BARD1: variants seen among roughly 807,000 people sequenced by gnomAD.
BARD1 encodes the protein BRCA1-associated RING domain protein 1.
Under a neutral mutation model 77.0 loss-of-function variants are expected in BARD1, and 73 were observed. That is an observed-to-expected ratio of 0.95 (90% confidence interval 0.79 to 1.15). The LOEUF is 1.15. BARD1 is among the 50% of genes most tolerant of loss of function. The probability of loss-of-function intolerance (pLI) is 0.00; values close to 1 mark genes in which losing one functional copy is unlikely to be tolerated. For missense variants in BARD1, 993 were observed against 938.8 expected, an observed-to-expected ratio of 1.06 and a Z score of -0.75; for synonymous variants, 384 against 338.0, an observed-to-expected ratio of 1.14 and a Z score of -1.49.
At position 214,781,160 on chromosome 2, in the gene BARD1, C is replaced by G. The variant is rs1559425247; in HGVS notation, c.714G>C (p.Lys238Asn). The G allele has an allele frequency of 6.3e-7, 1 of 1,578,030 alleles. No homozygotes were observed. The highest frequency in any genetic ancestry group is 8.6e-7 in the Non-Finnish European group (1 of 1,168,048). The change falls in exon 4 of 11, where the codon AAG becomes AAC. Residue 238 changes from lysine (K) to asparagine (N), a missense_variant. Lys to Asn is a moderately conservative substitution (Grantham distance 94). Transcript: ENST00000260947. ...EFDSKEESKQ[K>N]LVSFCSQPSV... ...ATGGTTGGCTACAGAAGGATACCAG[C>G]TTTTGCTTAGATTCCTCTTTGGAGT...
At chr2:214,770,097 A>G (rs897298214) in intron 4 of BARD1, among the ~76,000 whole-genome samples, 2 of 152,188 alleles carry the variant, frequency 1.3e-5, no homozygotes, top group Non-Finnish European at 2.9e-5. Context: ...TTTAGTTTAT[A>G]TTCACCTTAT....
chr2:214,728,663 T>G lies in BARD1; in HGVS notation c.*13A>C, dbSNP rs773111818. 6 of 1,613,450 alleles carry G rather than the reference T, an allele frequency of 3.7e-6. No homozygotes were observed. In the African/African-American group the frequency reaches 5.3e-5, roughly 14 times the overall value. ...GTGCAAATTCAATTTGAAATGTTCA[T>G]CTGGTATAATATTCAGCTGTCAAGA... On this transcript the variant is annotated 3_prime_UTR_variant, in exon 11 of 11. Coordinates refer to ENST00000260947, the MANE Select transcript of BARD1 (RefSeq NM_000465.4).
intron 3 of BARD1, among the ~76,000 whole-genome samples, chr2:214,783,178 T>C (rs1695117156): frequency 6.6e-6 from 1 of 152,138 alleles, no homozygotes; most frequent in African/African-American, 2.4e-5. Context: ...ATTCCATGAA[T>C]ACTGTATTTT....
chr2:214,797,113 T>C lies in BARD1; in HGVS notation c.163A>G (p.Asn55Asp), dbSNP rs1039799564. 6.2e-7 allele frequency: 1 copy of C among 1,612,504 alleles called. No individual in the cohort carries two copies. Among genetic ancestry groups the C allele is most frequent in the South Asian group, 1.1e-5 (1 of 91,062 alleles). ...EKLLRCSRCT[N>D]ILREPVCLGG... is the part of the protein sequence containing the mutation. ...AAACACACAGGCTCTCTCAGAATGT[T>C]AGTACTGTTTGAAGAAATTAAAACA... Residue 55 changes from asparagine (N) to aspartate (D), a missense_variant, in exon 2 of 11, where the codon AAC (asparagine) becomes GAC (aspartate). By Grantham distance (23) the Asn-to-Asp change is conservative. Coordinates refer to ENST00000260947, the MANE Select transcript of BARD1 (RefSeq NM_000465.4).
chr2:214,779,705 C>A (rs1170438928), intron 4 of BARD1, among the ~76,000 whole-genome samples: 1 of 152,152 alleles, frequency 6.6e-6, no homozygotes, highest in Non-Finnish European at 1.5e-5. Flanking sequence ...TCCCAGGTGT[C>A]CCAAAGTTCT....
At chr2:214,732,887 T>G (rs1484746488) in intron 9 of BARD1, among the ~76,000 whole-genome samples, 1 of 152,200 alleles carries the variant, frequency 6.6e-6, no homozygotes, top group African/African-American at 2.4e-5. Context: ...GAGCCACATC[T>G]GCAGAATTTG....
At chr2:214,777,743 T>C (rs1262776073) in intron 4 of BARD1, among the ~76,000 whole-genome samples, 1 of 152,238 alleles carries the variant, frequency 6.6e-6, no homozygotes, top group African/African-American at 2.4e-5. Context: ...CCTTGTTCCA[T>C]TTTATAGTAG....
intron 3 of BARD1, among the ~76,000 whole-genome samples, chr2:214,786,937 G>T (rs1296231044): frequency 6.6e-6 from 1 of 151,840 alleles, no homozygotes; most frequent in Non-Finnish European, 1.5e-5. Flanking sequence ...TCAAAACCAA[G>T]TCACTTCTGA....
At position 214,728,667 on chromosome 2, in the gene BARD1, G is replaced by A. The variant is rs771342162; in HGVS notation, c.*9C>T. 7 of 1,613,404 alleles carry A rather than the reference G, an allele frequency of 4.3e-6. No homozygotes were observed. The highest frequency in any genetic ancestry group is 5.9e-6 in the Non-Finnish European group (7 of 1,179,568). ...AAATTCAATTTGAAATGTTCATCTG[G>A]TATAATATTCAGCTGTCAAGAGGAA... On this transcript the variant is annotated 3_prime_UTR_variant, in exon 11 of 11. Coordinates refer to ENST00000260947, the MANE Select transcript of BARD1 (RefSeq NM_000465.4).
At chr2:214,775,977 T>C (rs1425028676) in intron 4 of BARD1, among the ~76,000 whole-genome samples, 1 of 152,130 alleles carries the variant, frequency 6.6e-6, no homozygotes, top group South Asian at 2.1e-4. Context: ...AACTACAAAG[T>C]TAAACTCTAA....
chr2:214,773,988 CACA>C (rs1694630257), intron 4 of BARD1, among the ~76,000 whole-genome samples: 1 of 152,200 alleles, frequency 6.6e-6, no homozygotes, highest in Non-Finnish European at 1.5e-5. Context: ...CAACAGTGTT[CACA>C]ACATCTTCAC....
chr2:214,754,205 G>C (rs1357870427), intron 6 of BARD1, among the ~76,000 whole-genome samples: 1 of 151,456 alleles, frequency 6.6e-6, no homozygotes, highest in African/African-American at 2.4e-5. Flanking sequence ...AAACCACCAA[G>C]TGCAAAAATG....
intron 2 of BARD1, among the ~76,000 whole-genome samples, chr2:214,795,939 T>A (rs1208094024): frequency 1.3e-5 from 2 of 152,140 alleles, no homozygotes; most frequent in African/African-American, 4.8e-5. Context: ...ATCCCTCGTA[T>A]AACAGATCTG....
rs139110988 is a variant in BARD1 at position 214,762,964 on chromosome 2, C to G, written c.1568+4518G>C. Among the ~76,000 whole-genome samples, 707 of 149,676 alleles carry G rather than the reference C, an allele frequency of 4.7e-3. 5 individuals are homozygous for G. Among genetic ancestry groups the G allele is most frequent in the African/African-American group, 0.017 (670 of 40,568 alleles). On this transcript the variant is annotated intron_variant, in intron 6 of 10. Transcript: ENST00000260947. Reference sequence around the variant, plus strand: ...CTGGATTACTGGACAAACCTCTTAACTGAGTTCCCTCCCCAGTGTGAAGGA... The same window carrying G: ...CTGGATTACTGGACAAACCTCTTAAGTGAGTTCCCTCCCCAGTGTGAAGGA...
At chr2:214,777,523 C>T (rs1694787039) in intron 4 of BARD1, among the ~76,000 whole-genome samples, 1 of 152,070 alleles carries the variant, frequency 6.6e-6, no homozygotes, top group African/African-American at 2.4e-5. Flanking sequence ...GCTTAAGAAA[C>T]AATACAACGC....
At chr2:214,792,996 T>C (rs1035055130) in intron 2 of BARD1, among the ~76,000 whole-genome samples, 9 of 152,176 alleles carry the variant, frequency 5.9e-5, no homozygotes, top group Non-Finnish European at 1.2e-4. Flanking sequence ...TTGGGGTTTA[T>C]AGACCTTTTG....
At chr2:214,808,929 G>C (rs1023028873) in intron 1 of BARD1, among the ~76,000 whole-genome samples, 1 of 152,222 alleles carries the variant, frequency 6.6e-6, no homozygotes, top group Non-Finnish European at 1.5e-5. Context: ...AAGCTGGCAC[G>C]GAGAAAATGT....
intron 3 of BARD1, among the ~76,000 whole-genome samples, chr2:214,784,726 G>A (rs1361789270): frequency 6.6e-6 from 1 of 152,104 alleles, no homozygotes; most frequent in Non-Finnish European, 1.5e-5. Context: ...GTACTTTGCA[G>A]GGACATGGAT....
At chr2:214,799,951 C>T (rs1056943199) in intron 1 of BARD1, among the ~76,000 whole-genome samples, 1 of 152,148 alleles carries the variant, frequency 6.6e-6, no homozygotes, top group Non-Finnish European at 1.5e-5. Flanking sequence ...CCTTTCCTTC[C>T]ACCGCATTTT....
Sources: gnomAD v4.1 joint callset for allele counts (sites outside exome capture counted in the v4.1 genomes callset) on GRCh38, gnomAD v4.1.1 for gene constraint, MANE v1.5 for transcripts, NCBI Gene and HGNC (gene_info 2026-07-23, HGNC 2026-07-21) for gene names.